Variants in FHIT observed in about 807,000 individuals in gnomAD.
The protein encoded by FHIT is bis(5'-adenosyl)-triphosphatase.
A neutral mutation model predicts 17.9 loss-of-function variants in FHIT; 19 were observed. That is an observed-to-expected ratio of 1.06 (90% CI 0.74 to 1.56). The LOEUF (loss-of-function observed/expected upper bound fraction) is 1.56. FHIT is among the 40% of genes most tolerant of loss of function. FHIT has a pLI of 0.00. For synonymous variants in FHIT, 81 were observed against 69.7 expected, an observed-to-expected ratio of 1.16 and a Z score of -0.81; for missense variants, 248 against 189.2, an observed-to-expected ratio of 1.31 and a Z score of -1.82.
chr3:60,106,423 C>T (rs1243235285), intron 5 of FHIT, among the ~76,000 whole-genome samples: 4 of 152,038 alleles, frequency 2.6e-5, no homozygotes, highest in South Asian at 2.1e-4. Flanking sequence ...CACCTCAAAC[C>T]GCAAAAGTTT....
At chr3:60,395,302 C>T (rs558488788) in intron 5 of FHIT, among the ~76,000 whole-genome samples, 2 of 152,212 alleles carry the variant, frequency 1.3e-5, no homozygotes, top group East Asian at 3.9e-4. Flanking sequence ...CTGTCCTGAG[C>T]ATTTTATATG....
At chr3:60,843,920 T>C (rs782605390) in intron 3 of FHIT, among the ~76,000 whole-genome samples, 11 of 152,058 alleles carry the variant, frequency 7.2e-5, no homozygotes, top group Non-Finnish European at 1.6e-4. Flanking sequence ...ACCTCAATCC[T>C]GACACTCTAG....
intron 3 of FHIT, among the ~76,000 whole-genome samples, chr3:60,883,887 C>T (rs1342006813): frequency 6.6e-6 from 1 of 152,108 alleles, no homozygotes; most frequent in African/African-American, 2.4e-5. Context: ...TAAAAAGCAT[C>T]TGTACAGCAA....
In FHIT at chr3:59,963,118, T is replaced by A. The variant is rs551694198; in HGVS notation, c.280-40704A>T. On this transcript the variant is annotated intron_variant, in intron 7 of 9. Transcript: ENST00000492590. ...AAAATACACACACATAAAAAAAAAT[T>A]TGCTGGGCATGGTGGCAGGCACCTG... 7.6e-4 allele frequency among the ~76,000 whole-genome samples: 116 copies of A among 152,018 alleles called. 1 individual carries two copies. The South Asian group carries it at 0.023, about 30-fold the overall frequency.
chr3:59,753,269 A>G (rs879077342), intron 8 of FHIT, among the ~76,000 whole-genome samples: 1 of 152,178 alleles, frequency 6.6e-6, no homozygotes, highest in South Asian at 2.1e-4. Flanking sequence ...AAACAGTAAA[A>G]AAGAGATTAA....
At chr3:60,003,248 A>G (rs1699796275) in intron 7 of FHIT, among the ~76,000 whole-genome samples, 1 of 152,186 alleles carries the variant, frequency 6.6e-6, no homozygotes, top group Non-Finnish European at 1.5e-5. Flanking sequence ...TAAGAATGTT[A>G]TCTGTGTCCT....
chr3:61,034,581 T>C (rs1222241676), intron 3 of FHIT, among the ~76,000 whole-genome samples: 1 of 152,302 alleles, frequency 6.6e-6, no homozygotes, highest in East Asian at 1.9e-4. Context: ...CACAATGACA[T>C]GCTACTTCAC....
intron 5 of FHIT, among the ~76,000 whole-genome samples, chr3:60,409,565 G>A (rs1339020936): frequency 1.3e-5 from 2 of 152,116 alleles, no homozygotes; most frequent in African/African-American, 4.8e-5. Flanking sequence ...TTCCCCACAG[G>A]AACTTGGTTT....
At chr3:59,970,763 G>A (rs1346072798) in intron 7 of FHIT, among the ~76,000 whole-genome samples, 2 of 151,676 alleles carry the variant, frequency 1.3e-5, no homozygotes, top group Admixed American at 6.6e-5. Flanking sequence ...CATACAAGCT[G>A]TCTCGTCCGG....
chr3:60,688,426 G>GT (rs1395823139), intron 4 of FHIT, among the ~76,000 whole-genome samples: 154 of 133,472 alleles, frequency 1.2e-3, no homozygotes, highest in Middle Eastern at 7.8e-3. Flanking sequence ...TATGTTTTGT[G>GT]TTTTTTTTTT....
intron 8 of FHIT, among the ~76,000 whole-genome samples, chr3:59,759,628 G>A (rs1701400696): frequency 6.6e-6 from 1 of 152,068 alleles, no homozygotes; most frequent in Non-Finnish European, 1.5e-5. Context: ...CAAAGTTCCC[G>A]AGAAGCCTTC....
chr3:60,566,547 A>G (rs2037140890), intron 4 of FHIT, among the ~76,000 whole-genome samples: 1 of 152,162 alleles, frequency 6.6e-6, no homozygotes, highest in African/African-American at 2.4e-5. Flanking sequence ...GAAAACTGGC[A>G]CAAGACAGGG....
In FHIT at chr3:60,245,541, A is replaced by G. The variant is rs114659154; in HGVS notation, c.104-231389T>C. ...GTGACTAACTGAACATTACAATTTC[A>G]TTACAAAATTATTTTCACCTACGAT... On this transcript the variant is annotated intron_variant, in intron 5 of 9. Coordinates refer to ENST00000492590, the MANE Select transcript of FHIT (RefSeq NM_002012.4). Among the ~76,000 whole-genome samples the G allele has an allele frequency of 4.3e-3, 662 of 152,274 alleles. 5 individuals carry two copies. The highest frequency in any genetic ancestry group is 7.3e-3 in the Non-Finnish European group (496 of 67,994).
chr3:60,017,402 A>G (rs968691190), intron 5 of FHIT, among the ~76,000 whole-genome samples: 2 of 152,142 alleles, frequency 1.3e-5, no homozygotes, highest in African/African-American at 4.8e-5. Flanking sequence ...GAGGGATACA[A>G]AGCTGGCATT....
intron 3 of FHIT, among the ~76,000 whole-genome samples, chr3:60,997,415 T>C (rs572846002): frequency 2.6e-5 from 4 of 152,062 alleles, no homozygotes; most frequent in African/African-American, 9.7e-5. Flanking sequence ...ATTTCTGACT[T>C]CTCTTAAAAA....
At chr3:60,583,826 G>C (rs1044424779) in intron 4 of FHIT, among the ~76,000 whole-genome samples, 1 of 151,866 alleles carries the variant, frequency 6.6e-6, no homozygotes, top group African/African-American at 2.4e-5. Flanking sequence ...GATACCATCA[G>C]CTAGTATTTC....
chr3:60,419,539 G>A (rs376463272), intron 5 of FHIT, among the ~76,000 whole-genome samples: 2 of 152,170 alleles, frequency 1.3e-5, no homozygotes, highest in African/African-American at 4.8e-5. Context: ...ACATGCCCTT[G>A]TTTCTAACAA....
At chr3:59,773,381 A>C (rs977873082) in intron 8 of FHIT, among the ~76,000 whole-genome samples, 5 of 152,198 alleles carry the variant, frequency 3.3e-5, no homozygotes, top group African/African-American at 1.2e-4. Flanking sequence ...AGAGGGAGAC[A>C]CTAGAGGGTC....
At chr3:61,153,142 C>CAAA (rs372065718) in intron 2 of FHIT, among the ~76,000 whole-genome samples, 5 of 78,398 alleles carry the variant, frequency 6.4e-5, no homozygotes, top group South Asian at 9.5e-4. Context: ...GACTCCATCT[C>CAAA]AAAAAAAAAA....
Sources: gnomAD v4.1 joint callset for allele counts (sites outside exome capture counted in the v4.1 genomes callset) on GRCh38, gnomAD v4.1.1 for gene constraint, MANE v1.5 for transcripts, NCBI Gene and HGNC (gene_info 2026-07-23, HGNC 2026-07-21) for gene names.